Variants in CAMKMT observed in about 807,000 individuals in gnomAD.
CAMKMT encodes CaM KMT.
CAMKMT carries 53 observed loss-of-function variants against 48.0 expected under a neutral mutation model. That is an observed-to-expected ratio of 1.10 (90% CI 0.89 to 1.39). The LOEUF is 1.39. Among genes scored for constraint, CAMKMT ranks in the 40% most tolerant of loss-of-function variants. The pLI is 0.00. For synonymous variants in CAMKMT, 165 were observed against 152.3 expected (o/e 1.08, Z -0.61); for missense variants, 428 against 402.7 (o/e 1.06, Z -0.54).
chr2:44,536,031 C>T (rs1178898543), intron 3 of CAMKMT, among the ~76,000 whole-genome samples: 2 of 152,112 alleles, frequency 1.3e-5, no homozygotes, highest in Admixed American at 6.5e-5. Flanking sequence ...GATACAAAAT[C>T]AACATACAAA....
intron 3 of CAMKMT, among the ~76,000 whole-genome samples, chr2:44,630,112 C>T (rs1672729477): frequency 6.6e-6 from 1 of 151,876 alleles, no homozygotes; most frequent in Non-Finnish European, 1.5e-5. Flanking sequence ...ACTATCTGAT[C>T]TTTGACAAAC....
intron 3 of CAMKMT, among the ~76,000 whole-genome samples, chr2:44,589,903 A>G (rs1444529012): frequency 1.2e-5 from 1 of 84,346 alleles, no homozygotes; most frequent in Admixed American, 1.4e-4. Flanking sequence ...AAAGAAAAAA[A>G]AAAAAGAACG....
At chr2:44,594,401 A>T (rs1025225928) in intron 3 of CAMKMT, among the ~76,000 whole-genome samples, 24 of 152,332 alleles carry the variant, frequency 1.6e-4, no homozygotes, top group African/African-American at 5.8e-4. Context: ...ACGCTACCTG[A>T]CTTCAAACTA....
chr2:44,553,935 T>A (rs1321088646), intron 3 of CAMKMT, among the ~76,000 whole-genome samples: 1 of 152,226 alleles, frequency 6.6e-6, no homozygotes, highest in African/African-American at 2.4e-5. Context: ...GTATTCTGAT[T>A]CTATAAAACA....
intron 3 of CAMKMT, among the ~76,000 whole-genome samples, chr2:44,594,036 T>C (rs1670495455): frequency 6.6e-6 from 1 of 151,982 alleles, no homozygotes; most frequent in Non-Finnish European, 1.5e-5. Context: ...GTGCTGGGAT[T>C]ACAGGCGTGA....
chr2:44,677,659 G>A lies in CAMKMT; in HGVS notation c.377-26624G>A, dbSNP rs142365951. Among the ~76,000 whole-genome samples the A allele has an allele frequency of 1.2e-3, 186 of 151,872 alleles. 3 individuals carry two copies. In the East Asian group the frequency reaches 0.027, roughly 22 times the overall value. The stretch of plus-strand genomic sequence containing the variant: ...GGAGGTGGATGTTGCAGTGAGCCGA[G>A]ATGGCACCACTGCACTCCAGACTGG... On this transcript the variant is annotated intron_variant, in intron 3 of 10. Transcript: ENST00000378494.
At chr2:44,576,425 A>G (rs973837920) in intron 3 of CAMKMT, among the ~76,000 whole-genome samples, 6 of 152,184 alleles carry the variant, frequency 3.9e-5, no homozygotes, top group African/African-American at 1.4e-4. Context: ...GAAGTAGAGT[A>G]TAGAAGTTGT....
chr2:44,592,625 A>G (rs1484472776), intron 3 of CAMKMT, among the ~76,000 whole-genome samples: 3 of 152,200 alleles, frequency 2.0e-5, no homozygotes, highest in African/African-American at 7.2e-5. Flanking sequence ...CTCTTATACT[A>G]TGCCTAATTT....
chr2:44,464,673 T>G (rs1668019067), intron 3 of CAMKMT, among the ~76,000 whole-genome samples: 1 of 152,144 alleles, frequency 6.6e-6, no homozygotes. Context: ...AGTTGGAAGA[T>G]ATACTAAAAG....
intron 3 of CAMKMT, among the ~76,000 whole-genome samples, chr2:44,463,764 C>T (rs1369995271): frequency 2.0e-5 from 3 of 152,180 alleles, no homozygotes; most frequent in Non-Finnish European, 4.4e-5. Flanking sequence ...TGGGAATTTA[C>T]ATGCAGAGAG....
chr2:44,629,462 G>T (rs1572952839), intron 3 of CAMKMT, among the ~76,000 whole-genome samples: 2 of 142,574 alleles, frequency 1.4e-5, no homozygotes, highest in East Asian at 2.0e-4. Flanking sequence ...TTGAGACAGG[G>T]TCTCACTCTG....
At position 44,513,760 on chromosome 2, in the gene CAMKMT, G is replaced by A. The variant is rs116101424; in HGVS notation, c.376+123455G>A. 5.5e-3 allele frequency among the ~76,000 whole-genome samples: 842 copies of A among 152,100 alleles called. 8 individuals carry two copies. The highest frequency in any genetic ancestry group is 0.019 in the African/African-American group (805 of 41,490). ...TGCAGAGCAGTGTGCCGTAAAATCT[G>A]GGGCAGACATTTCCCCCAACTTCCA... On this transcript the variant is annotated intron_variant, in intron 3 of 10. Transcript: ENST00000378494.
At chr2:44,523,357 A>G (rs944104682) in intron 3 of CAMKMT, among the ~76,000 whole-genome samples, 4 of 150,192 alleles carry the variant, frequency 2.7e-5, no homozygotes, top group Non-Finnish European at 4.4e-5. Flanking sequence ...CAATGGTGCA[A>G]TCTTGGCTCA....
chr2:44,661,544 G>A (rs750325009), intron 3 of CAMKMT, among the ~76,000 whole-genome samples: 1 of 152,096 alleles, frequency 6.6e-6, no homozygotes, highest in Non-Finnish European at 1.5e-5. Flanking sequence ...TTGAACTCCT[G>A]ACCTCAGGTG....
intron 3 of CAMKMT, among the ~76,000 whole-genome samples, chr2:44,409,079 C>A (rs1444141248): frequency 1.5e-5 from 2 of 132,680 alleles, no homozygotes; most frequent in African/African-American, 6.1e-5. Flanking sequence ...TTATTTCAGC[C>A]GATATATATA....
intron 7 of CAMKMT, among the ~76,000 whole-genome samples, chr2:44,739,942 C>T (rs1055473093): frequency 2.0e-5 from 3 of 151,896 alleles, no homozygotes; most frequent in East Asian, 1.9e-4. Flanking sequence ...TGCTAGAGCA[C>T]GTCCTAGAAT....
At chr2:44,614,935 G>GCTTTTTT (rs1671790501) in intron 3 of CAMKMT, among the ~76,000 whole-genome samples, 2 of 33,880 alleles carry the variant, frequency 5.9e-5, no homozygotes, top group African/African-American at 1.4e-4. Flanking sequence ...TGGTCTCCTT[G>GCTTTTTT]CTTTTTTTTT....
In CAMKMT at chr2:44,656,605, C is replaced by T. The variant is rs181234221; in HGVS notation, c.377-47678C>T. Among the ~76,000 whole-genome samples the T allele has an allele frequency of 3.0e-4, 45 of 152,264 alleles. No homozygotes were observed. In the East Asian group the frequency reaches 8.5e-3, roughly 29 times the overall value. ...TCTAGGTGAGTTATTTCTCCCTTCT[C>T]CATTCCACTATGACAGTCGCTCTGT... On this transcript the variant is annotated intron_variant, in intron 3 of 10. Coordinates refer to ENST00000378494, the MANE Select transcript of CAMKMT (RefSeq NM_024766.5).
At position 44,369,217 on chromosome 2, in the gene CAMKMT, T is replaced by G. The variant is rs963650628; in HGVS notation, c.139-3499T>G. Among the ~76,000 whole-genome samples, 4 of 152,102 alleles carry G rather than the reference T, an allele frequency of 2.6e-5. No individual in the cohort carries two copies. In the East Asian group the frequency reaches 7.7e-4, roughly 29 times the overall value. On this transcript the variant is annotated intron_variant, in intron 1 of 10. Transcript: ENST00000378494. Reference sequence around the variant, plus strand: ...GCTTTTGATTAAGTCTTTTAAACAATTAAAAATAAAGAAAACCTTCAAAGA... The same window carrying G: ...GCTTTTGATTAAGTCTTTTAAACAAGTAAAAATAAAGAAAACCTTCAAAGA...
Sources: allele counts gnomAD v4.1 joint callset (sites outside exome capture counted in the v4.1 genomes callset), GRCh38; gene constraint gnomAD v4.1.1; transcripts MANE v1.5; gene names NCBI Gene and HGNC (gene_info 2026-07-23, HGNC 2026-07-21).